The following ADGRG2 variants were observed in gnomAD, a reference collection of about 807,000 sequenced individuals.
The protein encoded by ADGRG2 is G protein-coupled receptor 64.
ADGRG2 carries 26 observed loss-of-function variants against 74.1 expected under a neutral mutation model. The ratio of observed to expected loss-of-function variants is 0.35; its 90% confidence interval spans 0.26 to 0.49. ADGRG2 has a LOEUF of 0.49. ADGRG2 is among the 20% of genes least tolerant of loss of function. The pLI, the probability that ADGRG2 is intolerant of heterozygous loss-of-function variation, is 0.99. For synonymous variants in ADGRG2, 296 were observed against 295.2 expected, an observed-to-expected ratio of 1.00 and a Z score of -0.03; for missense variants, 619 against 763.1, an observed-to-expected ratio of 0.81 and a Z score of 2.22.
At chrX:19,095,780 A>G (rs2062086307) in intron 1 of ADGRG2, among the ~76,000 whole-genome samples, 1 of 111,315 alleles carries the variant, frequency 9.0e-6, no homozygotes, top group Admixed American at 9.5e-5. Context: ...TTGGGAGGCC[A>G]AGGTGGGAGG....
In ADGRG2 at chrX:18,995,927, G is replaced by A. The variant is rs771489903; in HGVS notation, c.2716+124C>T. 1.4e-3 allele frequency: 587 copies of A among 434,073 alleles called. 1 individual carries two copies. The highest frequency in any genetic ancestry group is 2.1e-3 in the Non-Finnish European group (499 of 241,489). The allele number at this position is 434,073 out of a possible 1,213,427, so 35.8% of individuals were successfully genotyped here. A position where few individuals can be genotyped will look rare whatever the true frequency, so the allele number is the denominator to read the frequency against. On this transcript the variant is annotated intron_variant, in intron 27 of 28. Transcript: ENST00000379869. Reference sequence around the variant, plus strand: ...CTAATGTTCACGATCAATATTTTCTGTTGAGCAAATTCCAGATTTGCTGGA... The same window carrying A: ...CTAATGTTCACGATCAATATTTTCTATTGAGCAAATTCCAGATTTGCTGGA...
chrX:19,113,195 T>C (rs991593748), intron 1 of ADGRG2, among the ~76,000 whole-genome samples: 4 of 108,875 alleles, frequency 3.7e-5, no homozygotes, highest in Non-Finnish European at 7.6e-5. Flanking sequence ...CTGGCCAACA[T>C]GGCAAAACCC....
At chrX:19,006,801 C>T (rs1411862405) in intron 20 of ADGRG2, among the ~76,000 whole-genome samples, 1 of 102,535 alleles carries the variant, frequency 9.8e-6, no homozygotes, top group Non-Finnish European at 2.0e-5. Flanking sequence ...CTTTGTCACC[C>T]AAGCTGGAAT....
intron 28 of ADGRG2, among the ~76,000 whole-genome samples, chrX:18,992,498 C>T (rs1473845263): frequency 9.0e-6 from 1 of 111,675 alleles, no homozygotes; most frequent in African/African-American, 3.3e-5. Context: ...TCCATGTTGG[C>T]CAGGCTGGTC....
chrX:19,061,845 G>A (rs938112500), intron 3 of ADGRG2, among the ~76,000 whole-genome samples: 2 of 111,937 alleles, frequency 1.8e-5, no homozygotes, highest in African/African-American at 3.3e-5. Context: ...GCAGCAGGGA[G>A]AAGGGGCCTG....
chrX:19,050,151 T>C (rs1318912866), intron 3 of ADGRG2, among the ~76,000 whole-genome samples: 1 of 111,389 alleles, frequency 9.0e-6, no homozygotes, highest in Non-Finnish European at 1.9e-5. Context: ...CAGGGAAGGA[T>C]GGAAGCCAAG....
In ADGRG2 at chrX:19,004,620, C is replaced by T; in HGVS notation, c.1961+138G>A. The stretch of plus-strand genomic sequence containing the variant: ...CACAAGCATATAAACCAACAAGTCC[C>T]ATAAAGTTGATACATGGATGCTCCA... On this transcript the variant is annotated intron_variant, in intron 23 of 28. Coordinates refer to ENST00000379869, the MANE Select transcript of ADGRG2 (RefSeq NM_001079858.3). The T allele has an allele frequency of 5.4e-6, 3 of 553,995 alleles. No individual in the cohort carries two copies. The South Asian group carries it at 1.1e-4, about 21-fold the overall frequency. 45.7% of individuals were successfully genotyped at this position (553,995 alleles called of 1,213,427 possible).
At chrX:19,011,135 C>T (rs956040920) in intron 16 of ADGRG2, among the ~76,000 whole-genome samples, 3 of 112,126 alleles carry the variant, frequency 2.7e-5, no homozygotes, top group Non-Finnish European at 5.6e-5. Flanking sequence ...AGAAGCCAAA[C>T]TCAGAAGGCC....
intron 3 of ADGRG2, among the ~76,000 whole-genome samples, chrX:19,049,438 G>GTTTTTTTTTTTTTTTT (rs752686975): frequency 1.6e-4 from 13 of 82,134 alleles, no homozygotes; most frequent in South Asian, 5.3e-4. Flanking sequence ...CGTTTTTTGT[G>GTTTTTTTTTTTTTTTT]TTTTTTTTTT....
At chrX:19,107,587 A>G (rs2062324777) in intron 1 of ADGRG2, among the ~76,000 whole-genome samples, 2 of 104,290 alleles carry the variant, frequency 1.9e-5, no homozygotes, top group Admixed American at 2.2e-4. Context: ...GTAAACCTTT[A>G]CCTCTATATC....
intron 1 of ADGRG2, among the ~76,000 whole-genome samples, chrX:19,086,039 G>A (rs1199555448): frequency 9.0e-6 from 1 of 111,586 alleles, no homozygotes; most frequent in African/African-American, 3.3e-5. Context: ...CAAAAGCAAT[G>A]ATGCAAAAAT....
chrX:19,016,085 G>C (rs1295770745), intron 15 of ADGRG2, among the ~76,000 whole-genome samples: 4 of 111,737 alleles, frequency 3.6e-5, no homozygotes, highest in Non-Finnish European at 3.8e-5. Flanking sequence ...CCGATGCCTG[G>C]GCTCCCACTC....
At chrX:19,104,188 G>C (rs768767106) in intron 1 of ADGRG2, among the ~76,000 whole-genome samples, 41 of 110,732 alleles carry the variant, frequency 3.7e-4, no homozygotes, top group African/African-American at 1.3e-3. Flanking sequence ...CTCATCCCAA[G>C]AGGCTATGCA....
intron 3 of ADGRG2, among the ~76,000 whole-genome samples, chrX:19,061,034 T>G (rs149443932): frequency 2.8e-4 from 31 of 111,955 alleles, no homozygotes; most frequent in African/African-American, 1.0e-3. Flanking sequence ...CTGATTGAAC[T>G]CACAGAATGT....
chrX:19,012,326 G>C (rs2060373210), intron 16 of ADGRG2, among the ~76,000 whole-genome samples: 1 of 111,356 alleles, frequency 9.0e-6, no homozygotes, highest in East Asian at 2.8e-4. Context: ...ATAGTGTTTT[G>C]TGTAGCCTGT....
intron 3 of ADGRG2, among the ~76,000 whole-genome samples, chrX:19,057,599 G>A (rs980047542): frequency 4.5e-5 from 5 of 111,679 alleles, no homozygotes; most frequent in African/African-American, 1.6e-4. Context: ...TGCTTTGGGA[G>A]GCCGAGGCAG....
At chrX:19,036,961 C>T (rs769245950) in intron 6 of ADGRG2, among the ~76,000 whole-genome samples, 1 of 111,338 alleles carries the variant, frequency 9.0e-6, no homozygotes, top group Non-Finnish European at 1.9e-5. Flanking sequence ...GCTCTGCCCC[C>T]TTCCCTTGAA....
chrX:19,109,400 C>A (rs1307873051), intron 1 of ADGRG2, among the ~76,000 whole-genome samples: 1 of 111,816 alleles, frequency 8.9e-6, no homozygotes, highest in Non-Finnish European at 1.9e-5. Flanking sequence ...GCTTTAAAAT[C>A]CACTACAAGA....
intron 15 of ADGRG2, among the ~76,000 whole-genome samples, chrX:19,017,979 G>T (rs1057361472): frequency 1.2e-4 from 13 of 111,011 alleles, no homozygotes. Flanking sequence ...ATACACCTGT[G>T]GTCACATCAT....
Sources: gnomAD v4.1 joint callset for allele counts (sites outside exome capture counted in the v4.1 genomes callset) on GRCh38, gnomAD v4.1.1 for gene constraint, MANE v1.5 for transcripts, NCBI Gene and HGNC (gene_info 2026-07-23, HGNC 2026-07-21) for gene names.